The following KCNH7 variants were observed in gnomAD, a reference collection of about 807,000 sequenced individuals.
KCNH7 encodes the protein voltage-gated inwardly rectifying potassium channel KCNH7.
KCNH7 carries 49 observed loss-of-function variants against 120.8 expected under a neutral mutation model. The observed-to-expected ratio is 0.41, with a 90% CI of 0.32 to 0.51. KCNH7 has a LOEUF of 0.51. KCNH7 is among the 20% of genes least tolerant of loss of function. KCNH7 has a pLI of 0.38. For missense variants in KCNH7, 1,097 were observed against 1,446.6 expected (o/e 0.76, Z 3.92); for synonymous variants, 547 against 516.1 (o/e 1.06, Z -0.81).
Position 162,537,011 on chromosome 2 carries a change from A to G in KCNH7, c.377T>C (p.Ile126Thr). 1 of 1,612,872 alleles carries G rather than the reference A, an allele frequency of 6.2e-7. No individual in the cohort carries two copies. Among genetic ancestry groups the G allele is most frequent in the Non-Finnish European group, 8.5e-7 (1 of 1,179,144 alleles). ...KNQEGVAMMFIINFEYVTDNE... is the reference protein window; with the variant it reads ...KNQEGVAMMFTINFEYVTDNE... ...ATCCGTCACATATTCAAAATTAATGATGAACATCATAGCCACGCCCTCTTG... is the reference window on the plus strand; with the variant it reads ...ATCCGTCACATATTCAAAATTAATGGTGAACATCATAGCCACGCCCTCTTG... The change falls in exon 3 of 16, where the codon ATC becomes ACC. Residue 126 changes from isoleucine to threonine, a missense_variant. Ile to Thr is a moderately conservative substitution (Grantham distance 89, BLOSUM62 -1). Around this residue, in one of 8 missense-constraint regions of KCNH7, gnomAD observed 362 missense variants for 372.2 expected, o/e 0.97. Coordinates refer to ENST00000332142, the MANE Select transcript of KCNH7 (RefSeq NM_033272.4).
chr2:162,638,951 T>G (rs750028484), intron 2 of KCNH7, among the ~76,000 whole-genome samples: 2 of 152,126 alleles, frequency 1.3e-5, no homozygotes, highest in Admixed American at 1.3e-4. Flanking sequence ...GGCACTATTA[T>G]CATTTGAACC....
chr2:162,760,161 C>T (rs780678354), intron 2 of KCNH7, among the ~76,000 whole-genome samples: 2 of 151,900 alleles, frequency 1.3e-5, no homozygotes, highest in Non-Finnish European at 2.9e-5. Flanking sequence ...TAGTTTGAAA[C>T]GTGACATGTT....
Position 162,836,721 on chromosome 2 carries a change from G to A in KCNH7, c.123C>T (p.Ile41=). 6.2e-7 allele frequency: 1 copy of A among 1,614,020 alleles called. No homozygotes were observed. The highest frequency in any genetic ancestry group is 8.5e-7 in the Non-Finnish European group (1 of 1,179,966). Residue 41 remains isoleucine (I), a synonymous_variant, in exon 2 of 16, where the codon ATC becomes ATT. Coordinates refer to ENST00000332142, the MANE Select transcript of KCNH7 (RefSeq NM_033272.4). ...IANARVQNCA[I]IYCNDGFCEM... ...CACAGAACCCATCGTTGCAATAAATGATGGCACAGTTCTGCACTCTGGCAT... is the reference window on the plus strand; with the variant it reads ...CACAGAACCCATCGTTGCAATAAATAATGGCACAGTTCTGCACTCTGGCAT...
chr2:162,667,482 C>T (rs1020734944), intron 2 of KCNH7, among the ~76,000 whole-genome samples: 1 of 152,142 alleles, frequency 6.6e-6, no homozygotes, highest in Non-Finnish European at 1.5e-5. Context: ...TGTGCCTTTA[C>T]CTCTGACCAT....
intron 2 of KCNH7, among the ~76,000 whole-genome samples, chr2:162,537,302 G>T (rs1692142752): frequency 6.6e-6 from 1 of 151,838 alleles, no homozygotes; most frequent in African/African-American, 2.4e-5. Flanking sequence ...TTCAGTTACT[G>T]CATTGTGGAA....
chr2:162,521,361 C>A (rs1318368127), intron 3 of KCNH7, among the ~76,000 whole-genome samples: 1 of 151,818 alleles, frequency 6.6e-6, no homozygotes, highest in African/African-American at 2.4e-5. Flanking sequence ...AGAATCTTAA[C>A]CTCCTGGAAT....
chr2:162,495,761 C>A lies in KCNH7; in HGVS notation c.1128+8682G>T, dbSNP rs148530524. ...ACAAACCAGTGATACCCAGCTGCAG[C>A]TCAGAAGAAACAAAAGGGATGGATA... On this transcript the variant is annotated intron_variant, in intron 6 of 15. Transcript: ENST00000332142. Among the ~76,000 whole-genome samples the A allele has an allele frequency of 2.1e-3, 316 of 152,266 alleles. 1 individual carries two copies. Among genetic ancestry groups the A allele is most frequent in the African/African-American group, 7.1e-3 (296 of 41,554 alleles).
At chr2:162,426,115 G>A (rs1421024098) in intron 8 of KCNH7, among the ~76,000 whole-genome samples, 4 of 151,488 alleles carry the variant, frequency 2.6e-5, no homozygotes, top group Non-Finnish European at 5.9e-5. Context: ...TCCGGAAGCT[G>A]AGGCACGAGA....
At chr2:162,374,949 C>T (rs1435276820) in intron 14 of KCNH7, among the ~76,000 whole-genome samples, 1 of 152,038 alleles carries the variant, frequency 6.6e-6, no homozygotes, top group Non-Finnish European at 1.5e-5. Flanking sequence ...ACTCTTGATA[C>T]CTGAAGGTCT....
intron 2 of KCNH7, among the ~76,000 whole-genome samples, chr2:162,595,452 A>C (rs1024671027): frequency 6.6e-6 from 1 of 152,040 alleles, no homozygotes; most frequent in African/African-American, 2.4e-5. Context: ...CATATTAACA[A>C]AATGAAGGAC....
chr2:162,613,661 A>T (rs1683045862), intron 2 of KCNH7, among the ~76,000 whole-genome samples: 1 of 151,938 alleles, frequency 6.6e-6, no homozygotes, highest in South Asian at 2.1e-4. Flanking sequence ...CTCAAAAGGT[A>T]TTGGGGCAAA....
At chr2:162,763,872 T>C (rs572906104) in intron 2 of KCNH7, among the ~76,000 whole-genome samples, 2 of 152,140 alleles carry the variant, frequency 1.3e-5, no homozygotes, top group East Asian at 3.9e-4. Context: ...TTAAAAAATT[T>C]AGCTATTTTG....
intron 2 of KCNH7, among the ~76,000 whole-genome samples, chr2:162,788,960 T>C (rs1683815438): frequency 7.7e-6 from 1 of 129,662 alleles, no homozygotes; most frequent in South Asian, 2.3e-4. Context: ...TGCCAGAAGA[T>C]GATGGGATGA....
chr2:162,832,302 G>GAGCT (rs1468610853), intron 2 of KCNH7, among the ~76,000 whole-genome samples: 1 of 152,026 alleles, frequency 6.6e-6, no homozygotes, highest in Non-Finnish European at 1.5e-5. Flanking sequence ...AGAATTAAGA[G>GAGCT]AGCTGAATGT....
rs140442239 is a variant in KCNH7 at position 162,532,514 on chromosome 2, C to A, written c.463+4411G>T. On this transcript the variant is annotated intron_variant, in intron 3 of 15. Coordinates refer to ENST00000332142, the MANE Select transcript of KCNH7 (RefSeq NM_033272.4). ...TAAGAAAAGAATGAAACAATATTGA[C>A]CAGAGTCACAAGGCATAGAATATGG... 3.5e-4 allele frequency among the ~76,000 whole-genome samples: 53 copies of A among 152,052 alleles called. No homozygotes were observed. The East Asian group carries it at 9.0e-3, about 26-fold the overall frequency.
chr2:162,556,419 CTATT>C (rs1692857648), intron 2 of KCNH7, among the ~76,000 whole-genome samples: 1 of 152,104 alleles, frequency 6.6e-6, no homozygotes, highest in South Asian at 2.1e-4. Flanking sequence ...TGAGATGTGA[CTATT>C]TAGAGGACTC....
intron 2 of KCNH7, among the ~76,000 whole-genome samples, chr2:162,580,010 G>A (rs1693819165): frequency 6.6e-6 from 1 of 151,986 alleles, no homozygotes; most frequent in Non-Finnish European, 1.5e-5. Context: ...TCCTATAGTA[G>A]TTCTCTACCT....
chr2:162,523,276 T>C (rs770110350), intron 3 of KCNH7, among the ~76,000 whole-genome samples: 1 of 151,840 alleles, frequency 6.6e-6, no homozygotes, highest in Non-Finnish European at 1.5e-5. Flanking sequence ...AGAAGTTGAA[T>C]AACTAACTCA....
intron 2 of KCNH7, among the ~76,000 whole-genome samples, chr2:162,623,196 A>G (rs1448758697): frequency 6.6e-6 from 1 of 152,120 alleles, no homozygotes; most frequent in African/African-American, 2.4e-5. Flanking sequence ...AAAGTTGAAG[A>G]TATCTTCTTC....
Sources: gnomAD v4.1 joint callset for allele counts (sites outside exome capture counted in the v4.1 genomes callset) on GRCh38, gnomAD v4.1.1 for gene constraint, gnomAD v4.1.1 regional missense constraint, MANE v1.5 for transcripts, NCBI Gene and HGNC (gene_info 2026-07-23, HGNC 2026-07-21) for gene names.